Variants in DIS3L observed in about 807,000 individuals in gnomAD.
DIS3L encodes DIS3 like exosome 3'-5' exoribonuclease.
In DIS3L, 100 loss-of-function variants were observed where a neutral mutation model predicts 120.3. That is an observed-to-expected ratio of 0.83 (90% CI 0.71 to 0.98). The LOEUF (loss-of-function observed/expected upper bound fraction) is 0.98, where lower values mean the gene tolerates loss of function less well. Among genes scored for constraint, DIS3L ranks in the 50% least tolerant of loss-of-function variants. The probability of loss-of-function intolerance (pLI) is 0.00; values close to 1 mark genes in which losing one functional copy is unlikely to be tolerated. For missense variants in DIS3L, 1,196 were observed against 1,314.2 expected, an observed-to-expected ratio of 0.91 and a Z score of 1.39; for synonymous variants, 426 against 470.6, an observed-to-expected ratio of 0.91 and a Z score of 1.23.
intron 9 of DIS3L, among the ~76,000 whole-genome samples, chr15:66,321,108 G>T (rs1319047562): frequency 6.6e-6 from 1 of 152,126 alleles, no homozygotes; most frequent in Non-Finnish European, 1.5e-5. Flanking sequence ...AAAGCTGCAG[G>T]GGGTGGATTC....
At chr15:66,310,156 G>A (rs1331302485) in intron 4 of DIS3L, among the ~76,000 whole-genome samples, 1 of 152,120 alleles carries the variant, frequency 6.6e-6, no homozygotes, top group Non-Finnish European at 1.5e-5. Flanking sequence ...GTTGGGTTTT[G>A]AATTGCAGAT....
intron 2 of DIS3L, among the ~76,000 whole-genome samples, chr15:66,299,944 G>A (rs927655506): frequency 6.6e-5 from 10 of 151,040 alleles, no homozygotes; most frequent in African/African-American, 1.7e-4. Flanking sequence ...CTAGCTACTC[G>A]GGAGACTGAG....
In DIS3L at chr15:66,311,882, A is replaced by G. The variant is rs750709304; in HGVS notation, c.717A>G (p.Lys239=). ...TGGAAGTGTTAGAAGCTGGGATTAA[A>G]TCTGGACGCTATATCCAGGTGAGGG... ...LPLEVLEAGI[K]SGRYIQGILN... The change falls in exon 5 of 17, where the codon AAA becomes AAG. Residue 239 remains lysine, a synonymous_variant. Coordinates refer to ENST00000319212, the MANE Select transcript of DIS3L (RefSeq NM_001143688.3). 4 of 1,613,908 alleles carry G rather than the reference A, an allele frequency of 2.5e-6. No individual in the cohort carries two copies. Among genetic ancestry groups the G allele is most frequent in the African/African-American group, 1.3e-5 (1 of 74,912 alleles).
intron 9 of DIS3L, among the ~76,000 whole-genome samples, chr15:66,321,241 A>G (rs2092879850): frequency 6.6e-6 from 1 of 152,216 alleles, no homozygotes; most frequent in South Asian, 2.1e-4. Context: ...CCATCACTTT[A>G]TGATCTTTTA....
chr15:66,321,175 T>G (rs542197602), intron 9 of DIS3L, among the ~76,000 whole-genome samples: 1 of 152,260 alleles, frequency 6.6e-6, no homozygotes, highest in African/African-American at 2.4e-5. Flanking sequence ...TATGAAACAG[T>G]TTTTGTGACC....
upstream of DIS3L, chr15:66,293,476 C>A: frequency 8.1e-7 from 1 of 1,230,474 alleles, no homozygotes; most frequent in Non-Finnish European, 1.0e-6. Flanking sequence ...CGGGCCTCCC[C>A]CGGGCGCGGC....
intron 2 of DIS3L, among the ~76,000 whole-genome samples, chr15:66,304,967 A>T (rs1177038937): frequency 6.6e-6 from 1 of 150,594 alleles, no homozygotes; most frequent in Non-Finnish European, 1.5e-5. Flanking sequence ...GTGACTCAAA[A>T]TTAGAATTAC....
chr15:66,293,830 G>A, intron 1 of DIS3L, 95 bp downstream of exon 1: 4 of 1,038,042 alleles, frequency 3.9e-6, no homozygotes, highest in South Asian at 9.1e-5. Flanking sequence ...GCCAGCGGCG[G>A]GGACACGGAG....
upstream of DIS3L, chr15:66,293,490 T>TACGGCGGTTCCGGAGCC (rs1432020936): frequency 1.1e-4 from 142 of 1,237,394 alleles, 5 homozygotes; most frequent in Admixed American, 6.1e-3. Flanking sequence ...GCGCGGCAGT[T>TACGGCGGTTCCGGAGCC]ACGGCGGTTC....
chr15:66,293,521 C>A (rs1232349191), upstream of DIS3L: 9 of 1,290,188 alleles, frequency 7.0e-6, no homozygotes, highest in Non-Finnish European at 8.8e-6. Context: ...GCGCCTAGGG[C>A]CGAGGGGCGG....
upstream of DIS3L, chr15:66,293,406 T>A (rs2092542729): frequency 1.3e-5 from 14 of 1,111,638 alleles, no homozygotes; most frequent in Admixed American, 2.4e-4. Context: ...TCCAGGCCAC[T>A]GAGGGAAGGG....
At chr15:66,320,436 T>A in intron 8 of DIS3L, 135 bp from the exon 9 acceptor site, 6 of 866,126 alleles carry the variant, frequency 6.9e-6, no homozygotes, top group Non-Finnish European at 9.9e-6. Flanking sequence ...AAAAAAACCC[T>A]ACCATACACC....
chr15:66,318,557 C>G lies in DIS3L; in HGVS notation c.1103C>G (p.Thr368Arg). 1 of 1,614,076 alleles carries G rather than the reference C, an allele frequency of 6.2e-7. No homozygotes were observed. The change falls in exon 8 of 17, where the codon ACA becomes AGA. Residue 368 changes from threonine to arginine, a missense_variant. By Grantham distance (71) the Thr-to-Arg change is moderately conservative (BLOSUM62 -1). Transcript: ENST00000319212. Reference protein sequence around the residue: ...QGKNAQKILVTPWDYRIPKIR... With the variant: ...QGKNAQKILVRPWDYRIPKIR... ...AAAAATGCTCAGAAAATCCTGGTTA[C>G]ACCTTGGGATTACAGAATTCCCAAA... is the stretch of plus-strand genomic sequence containing the variant.
At chr15:66,323,450 C>T (rs2092906227) in intron 10 of DIS3L, 43 bp from the exon 11 acceptor site, 1 of 1,599,176 alleles carries the variant, frequency 6.3e-7, no homozygotes, top group Non-Finnish European at 8.6e-7. Context: ...AGTTCTGCTT[C>T]TCCCTGCTAA....
rs749354401 is a variant in DIS3L, at chr15:66,308,721, C to T, written c.435C>T (p.Asn145=). The change falls in exon 4 of 17, where the codon AAC becomes AAT. Residue 145 remains asparagine, a synonymous_variant. Coordinates refer to ENST00000319212, the MANE Select transcript of DIS3L (RefSeq NM_001143688.3). The part of the protein sequence containing the change: ...MEKWQTRSIY[N]AAVWYYHHCQ... The stretch of plus-strand genomic sequence containing the variant: ...TTTGCTTTTCCAGGAGCATATACAA[C>T]GCAGCTGTTTGGTACTATCATCACT... 8.7e-6 allele frequency: 14 copies of T among 1,610,912 alleles called. No individual in the cohort carries two copies. The highest frequency in any genetic ancestry group is 1.7e-4 in the Middle Eastern group (1 of 6,032).
intron 15 of DIS3L, 114 bp from the exon 16 acceptor site, chr15:66,332,622 A>G: frequency 9.2e-7 from 1 of 1,082,136 alleles, no homozygotes; most frequent in Non-Finnish European, 1.3e-6. Context: ...GGTAAACCAC[A>G]GGAAAAGTGA....
In DIS3L at chr15:66,329,102, G is replaced by A. The variant is rs745736904; in HGVS notation, c.2334G>A (p.Ala778=). The A allele has an allele frequency of 6.8e-6, 11 of 1,612,870 alleles. No homozygotes were observed. Among genetic ancestry groups the A allele is most frequent in the East Asian group, 4.5e-5 (2 of 44,878 alleles). Residue 778 remains alanine (A), a synonymous_variant, in exon 13 of 17, where the codon GCG becomes GCA. Coordinates refer to ENST00000319212, the MANE Select transcript of DIS3L (RefSeq NM_001143688.3). ...NALYFSTGSC[A]EEEFHHYGLA... Reference sequence around the variant, plus strand: ...TGTACTTCTCCACCGGATCCTGTGCGGAGGAGGAGTTCCATCATTACGGTG... The same window carrying A: ...TGTACTTCTCCACCGGATCCTGTGCAGAGGAGGAGTTCCATCATTACGGTG...
Position 66,311,778 on chromosome 15 carries a change from T to C in DIS3L, c.613T>C (p.Ser205Pro). The part of the protein sequence containing the change: ...DLKAAHELCD[S>P]ILQSRREREN... ...AAAAGCTGCCCACGAGCTTTGTGAT[T>C]CTATCCTTCAGTCTCGACGGGAGAG... Residue 205 changes from serine (S) to proline (P), a missense_variant, in exon 5 of 17, where the codon TCT (serine) becomes CCT (proline). By Grantham distance (74) the Ser-to-Pro change is moderately conservative. Transcript: ENST00000319212. The C allele has an allele frequency of 6.2e-7, 1 of 1,614,170 alleles. No individual in the cohort carries two copies. Among genetic ancestry groups the C allele is most frequent in the Non-Finnish European group, 8.5e-7 (1 of 1,180,020 alleles).
chr15:66,294,291 G>C (rs1295029295), intron 1 of DIS3L: 2 of 985,394 alleles, frequency 2.0e-6, no homozygotes, highest in Non-Finnish European at 2.4e-6. Flanking sequence ...GGGGAAGTTG[G>C]ACTGGGGACT....
Sources: gnomAD v4.1 joint callset for allele counts (sites outside exome capture counted in the v4.1 genomes callset) on GRCh38, gnomAD v4.1.1 for gene constraint, MANE v1.5 for transcripts, NCBI Gene and HGNC (gene_info 2026-07-23, HGNC 2026-07-21) for gene names.